DNAH11: variants seen among roughly 807,000 people sequenced by gnomAD.
DNAH11 encodes axonemal beta dynein heavy chain 11.
DNAH11 carries 442 observed loss-of-function variants against 526.0 expected under a neutral mutation model. That is an observed-to-expected ratio of 0.84 (90% CI 0.78 to 0.91). The LOEUF (loss-of-function observed/expected upper bound fraction) is 0.91, where lower values mean the gene tolerates loss of function less well. DNAH11 is among the 40% of genes least tolerant of loss of function. The pLI is 0.00. For synonymous variants in DNAH11, 2,461 were observed against 1,935.9 expected, an observed-to-expected ratio of 1.27 and a Z score of -7.12; for missense variants, 6,989 against 5,448.7, an observed-to-expected ratio of 1.28 and a Z score of -8.90.
intron 54 of DNAH11, among the ~76,000 whole-genome samples, chr7:21,763,352 A>AAAAAAAAAG (rs1787012273): frequency 1.8e-5 from 2 of 112,328 alleles, no homozygotes; most frequent in African/African-American, 3.1e-5. Flanking sequence ...AAAAAAAAAA[A>AAAAAAAAAG]AAAAGAAAAA....
intron 42 of DNAH11, among the ~76,000 whole-genome samples, chr7:21,712,927 A>G (rs1377326481): frequency 6.6e-6 from 1 of 152,244 alleles, no homozygotes; most frequent in Non-Finnish European, 1.5e-5. Flanking sequence ...TTAAGAACTC[A>G]GTAAATATTT....
rs868294039 is a variant in DNAH11 at position 21,801,135 on chromosome 7, A to G, written c.10027-2A>G. 3 of 1,604,772 alleles carry G rather than the reference A, an allele frequency of 1.9e-6. No individual in the cohort carries two copies. Among genetic ancestry groups the G allele is most frequent in the Admixed American group, 1.7e-5 (1 of 58,644 alleles). The stretch of plus-strand genomic sequence containing the variant: ...TCAAAAGTTAATTCAACTCTGATTC[A>G]GGATCTGGATCGAAATCTGAGCAGA... On this transcript the variant is annotated splice_acceptor_variant, in intron 61 of 81. Coordinates refer to ENST00000409508, the MANE Select transcript of DNAH11 (RefSeq NM_001277115.2). LOFTEE classifies it high-confidence loss of function.
intron 25 of DNAH11, among the ~76,000 whole-genome samples, chr7:21,635,222 T>C (rs1176852720): frequency 2.0e-5 from 3 of 152,122 alleles, no homozygotes; most frequent in Non-Finnish European, 4.4e-5. Context: ...AGTGGCGTGA[T>C]CTCAGCTCAC....
intron 76 of DNAH11, among the ~76,000 whole-genome samples, chr7:21,888,765 G>A (rs1583814879): frequency 2.0e-5 from 3 of 152,126 alleles, no homozygotes; most frequent in Non-Finnish European, 1.5e-5. Context: ...TGGGATTACA[G>A]GCATGAGCCA....
intron 44 of DNAH11, among the ~76,000 whole-genome samples, chr7:21,724,212 A>T (rs553862135): frequency 8.5e-5 from 13 of 152,352 alleles, no homozygotes; most frequent in African/African-American, 3.1e-4. Context: ...ATATCATCTG[A>T]ACTGTCCTGG....
intron 2 of DNAH11, among the ~76,000 whole-genome samples, chr7:21,558,215 C>T (rs1012812609): frequency 1.3e-5 from 2 of 152,130 alleles, no homozygotes; most frequent in African/African-American, 4.8e-5. Flanking sequence ...TTCATTAATG[C>T]AGCATTCTCT....
At position 21,750,186 on chromosome 7, in the gene DNAH11, T is replaced by C. The variant is rs115125824; in HGVS notation, c.8798-36T>C. The C allele has an allele frequency of 2.0e-3, 3,130 of 1,538,604 alleles. 58 individuals are homozygous for C. The African/African-American group carries it at 0.039, about 19-fold the overall frequency. On this transcript the variant is annotated intron_variant, in intron 53 of 81. Transcript: ENST00000409508. ...GTTATATGTAAAATTTAAATTGCAATGATCTTTTAGTAATTCTACTCATTC... is the reference window on the plus strand; with the variant it reads ...GTTATATGTAAAATTTAAATTGCAACGATCTTTTAGTAATTCTACTCATTC...
rs1303961891 is a variant in DNAH11, at chr7:21,867,967, G to C, written c.11799G>C (p.Leu3933=). The C allele has an allele frequency of 6.4e-7, 1 of 1,562,530 alleles. No homozygotes were observed. Among genetic ancestry groups the C allele is most frequent in the Non-Finnish European group, 8.7e-7 (1 of 1,152,276 alleles). Reference sequence around the variant, plus strand: ...CAGCCACCCCCATATTCTTCATCCTGTCTCCGGGGGTAGATGCCCTTAAAG... The same window carrying C: ...CAGCCACCCCCATATTCTTCATCCTCTCTCCGGGGGTAGATGCCCTTAAAG... The part of the protein sequence containing the change: ...SSPATPIFFI[L]SPGVDALKDL... Residue 3933 remains leucine, a synonymous_variant, in exon 72 of 82, where the codon CTG becomes CTC. Transcript: ENST00000409508.
chr7:21,669,404 C>G (rs1023853804), intron 30 of DNAH11, among the ~76,000 whole-genome samples: 1 of 152,286 alleles, frequency 6.6e-6, no homozygotes, highest in East Asian at 1.9e-4. Context: ...CTCCTGACCT[C>G]AAATGATCCT....
chr7:21,554,150 A>C (rs1253312715), intron 2 of DNAH11, among the ~76,000 whole-genome samples: 1 of 134,532 alleles, frequency 7.4e-6, no homozygotes, highest in Non-Finnish European at 1.6e-5. Flanking sequence ...GAGGTTCTGC[A>C]TTTGTGTCTG....
chr7:21,601,114 G>C lies in DNAH11; in HGVS notation c.3360G>C (p.Leu1120Phe). The part of the protein sequence containing the change: ...KVDMKPFKVS[L>F]LTIIKKWSWM... ...ACATGAAGCCTTTCAAAGTGAGCTT[G>C]TTAACCATAATTAAGAAATGGAGCT... Residue 1120 changes from leucine to phenylalanine, a missense_variant, in exon 17 of 82, where the codon TTG becomes TTC. Transcript: ENST00000409508. 6.2e-7 allele frequency: 1 copy of C among 1,610,420 alleles called. No individual in the cohort carries two copies. Among genetic ancestry groups the C allele is most frequent in the Non-Finnish European group, 8.5e-7 (1 of 1,179,270 alleles).
At position 21,842,544 on chromosome 7, in the gene DNAH11, G is replaced by A. The variant is rs1390104464; in HGVS notation, c.10692G>A (p.Lys3564=). ...AAAGTCTGTGTTTTGCTCCGTTTAGGTATATCAGGATTGGAGATAAAGAAT... is the reference window on the plus strand; with the variant it reads ...AAAGTCTGTGTTTTGCTCCGTTTAGATATATCAGGATTGGAGATAAAGAAT... The part of the protein sequence containing the change: ...LLGRNTIKKG[K]YIRIGDKECE... The change falls in exon 66 of 82, where the codon AAG becomes AAA. Residue 3564 remains lysine, a splice_region_variant and synonymous_variant. Transcript: ENST00000409508. 2 of 1,613,414 alleles carry A rather than the reference G, an allele frequency of 1.2e-6. No homozygotes were observed. The highest frequency in any genetic ancestry group is 2.2e-5 in the East Asian group (1 of 44,880).
intron 72 of DNAH11, among the ~76,000 whole-genome samples, chr7:21,868,248 G>A (rs896443484): frequency 6.6e-6 from 1 of 152,020 alleles, no homozygotes; most frequent in African/African-American, 2.4e-5. Flanking sequence ...TCCACCTTTT[G>A]ACTGTATGAG....
intron 14 of DNAH11, among the ~76,000 whole-genome samples, chr7:21,596,463 C>T (rs1225778430): frequency 6.6e-6 from 1 of 152,140 alleles, no homozygotes; most frequent in Non-Finnish European, 1.5e-5. Context: ...TCTAGTTGTT[C>T]AATAAATGCT....
intron 28 of DNAH11, among the ~76,000 whole-genome samples, chr7:21,651,509 C>T (rs372296094): frequency 6.6e-6 from 1 of 152,148 alleles, no homozygotes; most frequent in African/African-American, 2.4e-5. Context: ...ATTATAGGCG[C>T]GTGCCACTTT....
At chr7:21,804,005 A>G (rs958200522) in intron 62 of DNAH11, among the ~76,000 whole-genome samples, 1 of 152,226 alleles carries the variant, frequency 6.6e-6, no homozygotes, top group South Asian at 2.1e-4. Context: ...ATTCAGATTC[A>G]GGGTTCTCTT....
intron 65 of DNAH11, among the ~76,000 whole-genome samples, chr7:21,820,477 A>G (rs1299157905): frequency 6.6e-6 from 1 of 152,232 alleles, no homozygotes; most frequent in Non-Finnish European, 1.5e-5. Context: ...GAGGTAGACA[A>G]GTGGGAAAAG....
intron 68 of DNAH11, among the ~76,000 whole-genome samples, chr7:21,856,577 TC>T (rs1193070761): frequency 6.6e-6 from 1 of 152,086 alleles, no homozygotes; most frequent in Admixed American, 6.5e-5. Flanking sequence ...GTTGGTAAAC[TC>T]CTCCAGAAAA....
chr7:21,671,891 G>A (rs1782654549), intron 30 of DNAH11, among the ~76,000 whole-genome samples: 1 of 152,172 alleles, frequency 6.6e-6, no homozygotes, highest in Non-Finnish European at 1.5e-5. Context: ...ATCAGGTAAT[G>A]ATGCTCACTA....
Sources: gnomAD v4.1 joint callset for allele counts (sites outside exome capture counted in the v4.1 genomes callset) on GRCh38, gnomAD v4.1.1 for gene constraint, MANE v1.5 for transcripts, NCBI Gene and HGNC (gene_info 2026-07-23, HGNC 2026-07-21) for gene names.